Variants in PLEKHM3 observed in about 807,000 individuals in gnomAD.
PLEKHM3 encodes the protein pleckstrin homology domain containing M3, also known as pleckstrin homology domain-containing family M member 3.
In PLEKHM3, 45 loss-of-function variants were observed where a neutral mutation model predicts 81.8. That is an observed-to-expected ratio of 0.55 (90% CI 0.43 to 0.71). PLEKHM3 has a LOEUF of 0.71. Among genes scored for constraint, PLEKHM3 ranks in the 30% least tolerant of loss-of-function variants. The pLI is 0.00. For synonymous variants in PLEKHM3, 352 were observed against 356.4 expected (o/e 0.99, Z 0.14); for missense variants, 788 against 924.3 (o/e 0.85, Z 1.91).
intron 7 of PLEKHM3, among the ~76,000 whole-genome samples, chr2:207,852,026 A>G (rs1427757848): frequency 6.6e-6 from 1 of 152,138 alleles, no homozygotes; most frequent in Non-Finnish European, 1.5e-5. Context: ...CAATCTAGTC[A>G]TGGCTTATTG....
chr2:208,008,724 T>C (rs940754862), intron 1 of PLEKHM3, among the ~76,000 whole-genome samples: 23 of 152,220 alleles, frequency 1.5e-4, no homozygotes, highest in Non-Finnish European at 3.1e-4. Flanking sequence ...CAGGGTTTTG[T>C]GGGTACCACA....
At chr2:207,871,445 G>A (rs886419371) in intron 6 of PLEKHM3, among the ~76,000 whole-genome samples, 1 of 152,094 alleles carries the variant, frequency 6.6e-6, no homozygotes, top group African/African-American at 2.4e-5. Flanking sequence ...GTTTAATCTG[G>A]TTTAATGCAA....
intron 2 of PLEKHM3, among the ~76,000 whole-genome samples, chr2:207,986,838 ATTTTTTTTTTT>A (rs370986896): frequency 4.0e-5 from 5 of 126,300 alleles, no homozygotes; most frequent in African/African-American, 9.7e-5. Flanking sequence ...TGCCCAGCTA[ATTTTTTTTTTT>A]TTTTTTTTTT....
At chr2:207,865,811 T>TATATATATATATATATAC (rs2092496677) in intron 6 of PLEKHM3, among the ~76,000 whole-genome samples, 1 of 57,930 alleles carries the variant, frequency 1.7e-5, no homozygotes. Context: ...AAGATATATA[T>TATATATATATATATATAC]ATATATATAT....
chr2:207,853,892 T>C (rs996255860), intron 7 of PLEKHM3, among the ~76,000 whole-genome samples: 15 of 152,054 alleles, frequency 9.9e-5, no homozygotes, highest in African/African-American at 3.6e-4. Context: ...TGGCTCAGCC[T>C]TCTGAGTAGC....
At position 207,922,892 on chromosome 2, in the gene PLEKHM3, AAGGGATCAGCTACTG is replaced by A. The variant is rs576091186; in HGVS notation, c.1886+8019_1886+8033del. Reference sequence around the variant, plus strand: ...TGATCACTGCTGGAAGAAACCAGAGAAGGGATCAGCTACTGAGGACAGGTGGGAAGAGGCAGCACT... The same window carrying A: ...TGATCACTGCTGGAAGAAACCAGAGAAGGACAGGTGGGAAGAGGCAGCACT... On this transcript the variant is annotated intron_variant, in intron 5 of 7. Coordinates refer to ENST00000427836, the MANE Select transcript of PLEKHM3 (RefSeq NM_001080475.3). Among the ~76,000 whole-genome samples the A allele has an allele frequency of 1.4e-4, 22 of 152,146 alleles. No homozygotes were observed. The South Asian group carries it at 2.5e-3, about 17-fold the overall frequency.
chr2:207,962,972 T>C (rs1329492467), intron 3 of PLEKHM3, among the ~76,000 whole-genome samples: 1 of 149,600 alleles, frequency 6.7e-6, no homozygotes, highest in African/African-American at 2.4e-5. Context: ...AGATTATAAT[T>C]GGTTTGCTAA....
At chr2:207,912,370 G>A (rs1688836409) in intron 5 of PLEKHM3, among the ~76,000 whole-genome samples, 1 of 152,140 alleles carries the variant, frequency 6.6e-6, no homozygotes, top group Non-Finnish European at 1.5e-5. Flanking sequence ...CCCTCCAGAA[G>A]CACTTCCTCT....
At position 207,825,313 on chromosome 2, in the gene PLEKHM3, C is replaced by T. The variant is rs1343959922; in HGVS notation, c.*3006G>A. On this transcript the variant is annotated 3_prime_UTR_variant, in exon 8 of 8. Transcript: ENST00000427836. ...AGGAGGGATTTCCTCAAGTGATACA[C>T]TAGGGAATGAGCCTTTCAGCAAAAA... 6.6e-6 allele frequency: 1 copy of T among 152,184 alleles called. No homozygotes were observed. Among genetic ancestry groups the T allele is most frequent in the Non-Finnish European group, 1.5e-5 (1 of 68,034 alleles). 9.4% of individuals were successfully genotyped at this position (152,184 alleles called of 1,614,324 possible).
chr2:208,000,557 T>G (rs1162362907), intron 2 of PLEKHM3, among the ~76,000 whole-genome samples: 1 of 152,210 alleles, frequency 6.6e-6, no homozygotes, highest in Non-Finnish European at 1.5e-5. Context: ...TCTTTGCTGG[T>G]GTTGGATCCC....
chr2:207,940,365 T>C (rs1689898725), intron 4 of PLEKHM3, among the ~76,000 whole-genome samples: 2 of 152,188 alleles, frequency 1.3e-5, no homozygotes, highest in Admixed American at 6.5e-5. Context: ...GTACACACTA[T>C]GTGCTAGGCA....
At chr2:207,930,151 T>C (rs930874144) in intron 5 of PLEKHM3, among the ~76,000 whole-genome samples, 1 of 152,222 alleles carries the variant, frequency 6.6e-6, no homozygotes, top group African/African-American at 2.4e-5. Flanking sequence ...TTCTATGAAC[T>C]ATGAGCTAAC....
intron 7 of PLEKHM3, among the ~76,000 whole-genome samples, chr2:207,851,013 C>T (rs562241935): frequency 1.1e-4 from 16 of 152,104 alleles, no homozygotes; most frequent in African/African-American, 3.4e-4. Flanking sequence ...ATTAGCTGGG[C>T]GTCGTGGCAC....
At chr2:207,860,719 C>G (rs966418670) in intron 7 of PLEKHM3, among the ~76,000 whole-genome samples, 3 of 152,136 alleles carry the variant, frequency 2.0e-5, no homozygotes, top group Admixed American at 2.0e-4. Context: ...TAGTTTTACC[C>G]CTGGCGGTCG....
chr2:208,011,785 C>CTTTTTTTT (rs1177948830), intron 1 of PLEKHM3, among the ~76,000 whole-genome samples: 2 of 79,992 alleles, frequency 2.5e-5, no homozygotes, highest in African/African-American at 6.0e-5. Context: ...CTCTGATAAA[C>CTTTTTTTT]TTTTTTTTTT....
Position 207,882,145 on chromosome 2 carries a change from T to C in PLEKHM3, c.1951-20883A>G, listed in dbSNP as rs1015742700. 2.0e-5 allele frequency among the ~76,000 whole-genome samples: 3 copies of C among 152,296 alleles called. No homozygotes were observed. The South Asian group carries it at 6.2e-4, about 32-fold the overall frequency. Reference sequence around the variant, plus strand: ...GAAACAGTGCCAAATGCCAGTAACATATTTTAGTCATTTGGGGAATGGGCA... The same window carrying C: ...GAAACAGTGCCAAATGCCAGTAACACATTTTAGTCATTTGGGGAATGGGCA... On this transcript the variant is annotated intron_variant, in intron 6 of 7. Coordinates refer to ENST00000427836, the MANE Select transcript of PLEKHM3 (RefSeq NM_001080475.3).
chr2:207,923,880 C>CACACACATAT (rs1319162543), intron 5 of PLEKHM3, among the ~76,000 whole-genome samples: 8 of 56,786 alleles, frequency 1.4e-4, no homozygotes, highest in Non-Finnish European at 1.6e-4. Flanking sequence ...CACACACACA[C>CACACACATAT]ATATATATAT....
chr2:207,981,896 A>C (rs1364424526), intron 2 of PLEKHM3, among the ~76,000 whole-genome samples: 6 of 152,228 alleles, frequency 3.9e-5, no homozygotes. Flanking sequence ...TCATAAATGA[A>C]TATCATCACA....
chr2:207,895,463 CTT>C (rs1688193703), intron 6 of PLEKHM3, among the ~76,000 whole-genome samples: 1 of 152,238 alleles, frequency 6.6e-6, no homozygotes. Flanking sequence ...GCCTAGCCTA[CTT>C]TCTCTCTGTG....
Sources: allele counts gnomAD v4.1 joint callset (sites outside exome capture counted in the v4.1 genomes callset), GRCh38; gene constraint gnomAD v4.1.1; transcripts MANE v1.5; gene names NCBI Gene and HGNC (gene_info 2026-07-23, HGNC 2026-07-21).